Variants in TRIM67 observed in about 807,000 individuals in gnomAD.
TRIM67 encodes tripartite motif containing 67, also known as tripartite motif-containing protein 67.
TRIM67 carries 39 observed loss-of-function variants against 71.0 expected under a neutral mutation model. The observed-to-expected ratio is 0.55, with a 90% CI of 0.43 to 0.72. The LOEUF is 0.72. Ranked by LOEUF, TRIM67 falls within the 30% of genes least tolerant of loss-of-function variation. The pLI is 0.00. For missense variants in TRIM67, 973 were observed against 1,079.2 expected (o/e 0.90, Z 1.38); for synonymous variants, 481 against 473.9 (o/e 1.01, Z -0.19).
At chr1:231,213,441 T>A (rs1208690514) in intron 8 of TRIM67, among the ~76,000 whole-genome samples, 2 of 152,148 alleles carry the variant, frequency 1.3e-5, no homozygotes, top group African/African-American at 4.8e-5. Flanking sequence ...TATATAATTT[T>A]CTTGGCCGGG....
At chr1:231,170,804 G>A (rs1212584406) in intron 1 of TRIM67, among the ~76,000 whole-genome samples, 1 of 152,190 alleles carries the variant, frequency 6.6e-6, no homozygotes, top group Admixed American at 6.5e-5. Context: ...TTGAGTGGTT[G>A]CAACAGAGAT....
At chr1:231,180,398 A>T (rs1162265061) in intron 1 of TRIM67, among the ~76,000 whole-genome samples, 3 of 152,142 alleles carry the variant, frequency 2.0e-5, no homozygotes, top group Non-Finnish European at 4.4e-5. Context: ...AAAACACTCT[A>T]TGGATTGATT....
rs754577110 is a variant in TRIM67, at chr1:231,163,158, C to A, written c.189C>A (p.Ala63=). Residue 63 remains alanine (A), a synonymous_variant, in exon 1 of 10, where the codon GCC becomes GCA. Coordinates refer to ENST00000366653, the MANE Select transcript of TRIM67 (RefSeq NM_001004342.5). ...RGSGLQAGAA[A]AASLEHDAAA... ...CGGGGCTGCAGGCGGGCGCCGCCGC[C>A]GCTGCCTCTCTGGAGCACGACGCTG... 2.0e-6 allele frequency: 3 copies of A among 1,507,328 alleles called. No individual in the cohort carries two copies. In the East Asian group the frequency reaches 8.2e-5, roughly 41 times the overall value. The allele number at this position is 1,507,328 out of a possible 1,614,324, so 93.4% of individuals were successfully genotyped here. A position where few individuals can be genotyped will look rare whatever the true frequency, so the allele number is the denominator to read the frequency against.
chr1:231,204,395 G>A (rs1683638100), intron 6 of TRIM67, among the ~76,000 whole-genome samples: 1 of 152,188 alleles, frequency 6.6e-6, no homozygotes, highest in Admixed American at 6.5e-5. Context: ...CTGGAGACGA[G>A]GAAGCACTGT....
Position 231,213,831 on chromosome 1 carries a change from T to C in TRIM67, c.2140T>C (p.Cys714Arg). ...TCTTCCCAGGACGGAAGGTGGCGTG[T>C]GCAAGGGGGCCACCGTGGGCGTGCT... ...SHTNRTEGGVCKGATVGVLLD... is the reference protein window; with the variant it reads ...SHTNRTEGGVRKGATVGVLLD... Residue 714 changes from cysteine to arginine, a missense_variant, in exon 9 of 10, where the codon TGC becomes CGC. Cys to Arg is a radical substitution (Grantham distance 180). Around this residue, in one of 2 missense-constraint regions of TRIM67, gnomAD observed 178 missense variants for 247.9 expected, o/e 0.72. Transcript: ENST00000366653. 1.2e-6 allele frequency: 2 copies of C among 1,604,804 alleles called. No individual in the cohort carries two copies. The highest frequency in any genetic ancestry group is 1.7e-6 in the Non-Finnish European group (2 of 1,174,548).
At chr1:231,204,193 C>G (rs1683633670) in intron 6 of TRIM67, among the ~76,000 whole-genome samples, 181 bp downstream of exon 6, 1 of 152,214 alleles carries the variant, frequency 6.6e-6, no homozygotes. Context: ...AGGGCTAGGT[C>G]TGGGAGGACT....
At chr1:231,206,628 G>A in intron 6 of TRIM67, 24 bp from the exon 7 acceptor site, 2 of 1,545,954 alleles carry the variant, frequency 1.3e-6, no homozygotes, top group Non-Finnish European at 1.7e-6. Flanking sequence ...GAGGAGCCTG[G>A]TGAGCAGCAT....
chr1:231,185,956 G>C, intron 1 of TRIM67: 1 of 773,984 alleles, frequency 1.3e-6, no homozygotes, highest in South Asian at 1.7e-5. Flanking sequence ...CGTGACAGCC[G>C]GGACAAGGGC....
chr1:231,213,903 C>A lies in TRIM67; in HGVS notation c.2212C>A (p.Gln738Lys). 1 of 1,613,792 alleles carries A rather than the reference C, an allele frequency of 6.2e-7. No individual in the cohort carries two copies. The highest frequency in any genetic ancestry group is 8.5e-7 in the Non-Finnish European group (1 of 1,179,766). The change falls in exon 9 of 10, where the codon CAG (glutamine) becomes AAG (lysine). Residue 738 changes from glutamine to lysine, a missense_variant. Coordinates refer to ENST00000366653, the MANE Select transcript of TRIM67 (RefSeq NM_001004342.5). ...TCTCACCTTCTTCATCAACGGGCAG[C>A]AGCAGGGCCCCACAGCCTTCAGCCA... The part of the protein sequence containing the change: ...HTLTFFINGQ[Q>K]QGPTAFSHVD...
rs1684002898 is a variant in TRIM67, at chr1:231,215,876, C to T, written c.*436C>T. On this transcript the variant is annotated 3_prime_UTR_variant, in exon 10 of 10. Transcript: ENST00000366653. ...ATCCCACGCCCCGGGTGTTGGCCCT[C>T]CGTGGGGACCTTGCCTCCTCAGAGT... 1.0e-6 allele frequency: 1 copy of T among 997,394 alleles called. No homozygotes were observed. The highest frequency in any genetic ancestry group is 1.2e-6 in the Non-Finnish European group (1 of 838,410). 61.8% of individuals were successfully genotyped at this position (997,394 alleles called of 1,614,324 possible).
At chr1:231,170,271 C>G (rs1374025258) in intron 1 of TRIM67, among the ~76,000 whole-genome samples, 3 of 152,178 alleles carry the variant, frequency 2.0e-5, no homozygotes, top group African/African-American at 7.2e-5. Context: ...CAGATGTGAG[C>G]CACCGTGCCC....
In TRIM67 at chr1:231,177,174, G is replaced by A. The variant is rs111272043; in HGVS notation, c.1044+13161G>A. Among the ~76,000 whole-genome samples the A allele has an allele frequency of 3.3e-3, 499 of 152,318 alleles. 5 individuals are homozygous for A. The highest frequency in any genetic ancestry group is 0.011 in the African/African-American group (470 of 41,568). On this transcript the variant is annotated intron_variant, in intron 1 of 9. Coordinates refer to ENST00000366653, the MANE Select transcript of TRIM67 (RefSeq NM_001004342.5). ...CAAATAATTGGTGCTAAAATATGTG[G>A]AACCATCCTTAGGTATGAATGAGCA...
Position 231,163,739 on chromosome 1 carries a change from C to T in TRIM67, c.770C>T (p.Pro257Leu), listed in dbSNP as rs1256521695. 3 of 1,491,480 alleles carry T rather than the reference C, an allele frequency of 2.0e-6. No individual in the cohort carries two copies. Among genetic ancestry groups the T allele is most frequent in the African/African-American group, 1.5e-5 (1 of 68,332 alleles). The allele number at this position is 1,491,480 out of a possible 1,614,324, so 92.4% of individuals were successfully genotyped here. The change falls in exon 1 of 10, where the codon CCG (proline) becomes CTG (leucine). Residue 257 changes from proline to leucine, a missense_variant. Physicochemically the swap from Pro to Leu is moderately conservative, Grantham distance 98. Around this residue, in one of 2 missense-constraint regions of TRIM67, gnomAD observed 795 missense variants for 831.3 expected, o/e 0.96. Coordinates refer to ENST00000366653, the MANE Select transcript of TRIM67 (RefSeq NM_001004342.5). The stretch of plus-strand genomic sequence containing the variant: ...CGCCTGGTGCAGCCGCCGCCGCCGC[C>T]GCCGCCGCCCGCCGAGGCAGCCTCC... ...KHRLVQPPPP[P>L]PPPAEAASGP...
chr1:231,187,453 A>T (rs1010635074), intron 1 of TRIM67: 2 of 1,328,454 alleles, frequency 1.5e-6, no homozygotes, highest in Admixed American at 5.1e-5. Context: ...CTGCCAACAG[A>T]TGAGGGCATT....
intron 7 of TRIM67, among the ~76,000 whole-genome samples, chr1:231,207,451 A>G (rs972452589): frequency 1.3e-5 from 2 of 152,238 alleles, no homozygotes; most frequent in Admixed American, 1.3e-4. Context: ...CTGAGTTCTT[A>G]GCAGAGAGCA....
chr1:231,170,344 T>A (rs1317577982), intron 1 of TRIM67, among the ~76,000 whole-genome samples: 1 of 152,176 alleles, frequency 6.6e-6, no homozygotes, highest in East Asian at 1.9e-4. Flanking sequence ...AAAAATGGGT[T>A]TGAGAAAAGA....
At chr1:231,166,975 G>T (rs879778601) in intron 1 of TRIM67, among the ~76,000 whole-genome samples, 4 of 152,110 alleles carry the variant, frequency 2.6e-5, no homozygotes, top group Non-Finnish European at 4.4e-5. Context: ...AAGGGTTACT[G>T]TGTACCATAG....
rs1342320930 is a variant in TRIM67 at position 231,169,991 on chromosome 1, C to CTTTTTTTTTTTTTTTTTTTT, written c.1044+5979_1044+5980insTTTTTTTTTTTTTTTTTTTT. On this transcript the variant is annotated intron_variant, in intron 1 of 9. Transcript: ENST00000366653. ...ACCTTTAAAATGTTTTTTTCTTTCT[C>CTTTTTTTTTTTTTTTTTTTT]TCTTTTTTTTTTGAGTTGGAGTTTC... is the stretch of plus-strand genomic sequence containing the variant. Among the ~76,000 whole-genome samples, 18 of 130,148 alleles carry CTTTTTTTTTTTTTTTTTTTT rather than the reference C, an allele frequency of 1.4e-4. 1 individual carries two copies. The highest frequency in any genetic ancestry group is 3.1e-4 in the African/African-American group (8 of 25,578). 85.4% of individuals were successfully genotyped at this position (130,148 alleles called of 152,430 possible).
chr1:231,189,470 A>T (rs1244115588), intron 1 of TRIM67, among the ~76,000 whole-genome samples: 1 of 152,102 alleles, frequency 6.6e-6, no homozygotes, highest in Non-Finnish European at 1.5e-5. Context: ...TAAGAGGGAG[A>T]TAGGAGGATC....
Sources: gnomAD v4.1 joint callset for allele counts (sites outside exome capture counted in the v4.1 genomes callset) on GRCh38, gnomAD v4.1.1 for gene constraint, gnomAD v4.1.1 regional missense constraint, MANE v1.5 for transcripts, NCBI Gene and HGNC (gene_info 2026-07-23, HGNC 2026-07-21) for gene names.